Variants in TTLL6 observed in about 807,000 individuals in gnomAD.
TTLL6 encodes tubulin polyglutamylase TTLL6.
TTLL6 carries 75 observed loss-of-function variants against 96.4 expected under a neutral mutation model. That is an observed-to-expected ratio of 0.78 (90% CI 0.65 to 0.94). The LOEUF (loss-of-function observed/expected upper bound fraction) is 0.94, where lower values mean the gene tolerates loss of function less well. TTLL6 is among the 40% of genes least tolerant of loss of function. The probability of loss-of-function intolerance (pLI) is 0.00; values close to 1 mark genes in which losing one functional copy is unlikely to be tolerated. For missense variants in TTLL6, 1,030 were observed against 1,093.0 expected (o/e 0.94, Z 0.81); for synonymous variants, 411 against 419.4 (o/e 0.98, Z 0.24).
chr17:48,807,153 T>C lies in TTLL6; in HGVS notation c.104-2162A>G, dbSNP rs141797202. 3.4e-3 allele frequency among the ~76,000 whole-genome samples: 511 copies of C among 151,884 alleles called. 5 individuals carry two copies. Among genetic ancestry groups the C allele is most frequent in the African/African-American group, 0.011 (467 of 41,484 alleles). On this transcript the variant is annotated intron_variant, in intron 1 of 15. Coordinates refer to ENST00000393382, the MANE Select transcript of TTLL6 (RefSeq NM_001130918.3). ...TCCAGGATGGAGTGCAATGGCGCCATCTCGGCTCACTACAACCTCCACCTC... is the reference window on the plus strand; with the variant it reads ...TCCAGGATGGAGTGCAATGGCGCCACCTCGGCTCACTACAACCTCCACCTC...
At chr17:48,800,746 G>A (rs553559254) in intron 5 of TTLL6, among the ~76,000 whole-genome samples, 6 of 152,116 alleles carry the variant, frequency 3.9e-5, no homozygotes, top group Non-Finnish European at 8.8e-5. Context: ...CCTGTTCCTC[G>A]GTGGTGTGGT....
Position 48,803,901 on chromosome 17 carries a change from C to G in TTLL6, c.351G>C (p.Arg117=). Residue 117 remains arginine, a synonymous_variant, in exon 3 of 16, where the codon CGG becomes CGC. Coordinates refer to ENST00000393382, the MANE Select transcript of TTLL6 (RefSeq NM_001130918.3). Reference sequence around the variant, plus strand: ...AATGTAGATGCTCACCACTCTCATACCGGCAGCTGGATAGATTGATCACCA... The same window carrying G: ...AATGTAGATGCTCACCACTCTCATAGCGGCAGCTGGATAGATTGATCACCA... ...KRLVINLSSC[R]YESVRRAAQQ... 1.3e-6 allele frequency: 2 copies of G among 1,552,028 alleles called. No individual in the cohort carries two copies. The highest frequency in any genetic ancestry group is 1.7e-6 in the Non-Finnish European group (2 of 1,147,070).
chr17:48,779,353 CAAA>C (rs35763170), intron 13 of TTLL6, among the ~76,000 whole-genome samples: 3 of 46,260 alleles, frequency 6.5e-5, no homozygotes, highest in South Asian at 1.3e-3. Context: ...GACTCTGTCT[CAAA>C]AAAAAAAAAA....
chr17:48,806,860 A>C (rs1468136447), intron 1 of TTLL6, among the ~76,000 whole-genome samples: 1 of 151,596 alleles, frequency 6.6e-6, no homozygotes, highest in Admixed American at 6.6e-5. Flanking sequence ...GCAAAACCCC[A>C]TATCTACTAA....
At chr17:48,805,704 G>A (rs903425585) in intron 1 of TTLL6, among the ~76,000 whole-genome samples, 1 of 152,204 alleles carries the variant, frequency 6.6e-6, no homozygotes, top group African/African-American at 2.4e-5. Context: ...CAGGCGCAGC[G>A]GCTCACGCCT....
intron 1 of TTLL6, among the ~76,000 whole-genome samples, chr17:48,805,808 A>G (rs1387455562): frequency 6.7e-6 from 1 of 148,844 alleles, no homozygotes; most frequent in Non-Finnish European, 1.5e-5. Flanking sequence ...CCCCGTCTCT[A>G]TTAAAAATAC....
intron 15 of TTLL6, among the ~76,000 whole-genome samples, chr17:48,765,197 A>G (rs1005399789): frequency 6.6e-6 from 1 of 152,126 alleles, no homozygotes; most frequent in African/African-American, 2.4e-5. Flanking sequence ...GGATTGTTTG[A>G]GGGCAGGAGT....
rs962127292 is a variant in TTLL6 at position 48,804,763 on chromosome 17, A to G, written c.323+9T>C. On this transcript the variant is annotated intron_variant, in intron 2 of 15. Coordinates refer to ENST00000393382, the MANE Select transcript of TTLL6 (RefSeq NM_001130918.3). Reference sequence around the variant, plus strand: ...CATGGCTCCCCATTCCCCAGCTTTCAATCCTAACCTCTTTTTCTTCCTCTT... The same window carrying G: ...CATGGCTCCCCATTCCCCAGCTTTCGATCCTAACCTCTTTTTCTTCCTCTT... 3 of 1,551,472 alleles carry G rather than the reference A, an allele frequency of 1.9e-6. No individual in the cohort carries two copies. The highest frequency in any genetic ancestry group is 2.7e-5 in the African/African-American group (2 of 73,040).
At chr17:48,807,996 G>A (rs530065585) in intron 1 of TTLL6, among the ~76,000 whole-genome samples, 1 of 152,146 alleles carries the variant, frequency 6.6e-6, no homozygotes, top group Admixed American at 6.6e-5. Flanking sequence ...CCGCCACCAC[G>A]CCCGGCTAAT....
intron 10 of TTLL6, among the ~76,000 whole-genome samples, chr17:48,788,464 C>G (rs2039151810): frequency 1.3e-5 from 2 of 152,166 alleles, no homozygotes; most frequent in South Asian, 2.1e-4. Context: ...GGGGGTCAGA[C>G]AGGGAGAAAT....
chr17:48,811,415 G>A (rs1425477750), intron 1 of TTLL6, among the ~76,000 whole-genome samples: 1 of 151,860 alleles, frequency 6.6e-6, no homozygotes, highest in African/African-American at 2.4e-5. Flanking sequence ...CTCTTTTTTA[G>A]AGACATGGTC....
At chr17:48,769,373 G>C (rs948523380) in intron 14 of TTLL6, 119 bp from the exon 15 acceptor site, 17 of 1,277,014 alleles carry the variant, frequency 1.3e-5, no homozygotes, top group African/African-American at 8.9e-5. Context: ...AAAGCTCTTT[G>C]AGCCAGAATC....
At chr17:48,802,037 G>A (rs1218236124) in intron 3 of TTLL6, among the ~76,000 whole-genome samples, 1 of 136,738 alleles carries the variant, frequency 7.3e-6, no homozygotes, top group Non-Finnish European at 1.5e-5. Flanking sequence ...AGGAGACCCT[G>A]TCAAAAAAAA....
chr17:48,810,993 C>T (rs1170730566), intron 1 of TTLL6, among the ~76,000 whole-genome samples: 2 of 149,782 alleles, frequency 1.3e-5, no homozygotes, highest in Admixed American at 6.7e-5. Flanking sequence ...TCCCAGTCTG[C>T]CCCAATGCCC....
chr17:48,816,996 CCCGCTGGGCTGCT>C lies in TTLL6; in HGVS notation c.64_76del (p.Ser22GlyfsTer6), dbSNP rs1293344893. ...CGCAATTCCTACTCCCCCGTCTCGC[CCCGCTGGGCTGCT>C]AGTCCAGCTTGCAACCACACCTGCC... On this transcript the variant is annotated frameshift_variant, in exon 1 of 16. Coordinates refer to ENST00000393382, the MANE Select transcript of TTLL6 (RefSeq NM_001130918.3). LOFTEE classifies it high-confidence loss of function. 3.1e-5 allele frequency: 47 copies of C among 1,540,830 alleles called. No individual in the cohort carries two copies. The highest frequency in any genetic ancestry group is 4.1e-5 in the Non-Finnish European group (47 of 1,144,804).
Position 48,769,816 on chromosome 17 carries a change from G to A in TTLL6, c.2322C>T (p.Ser774=), listed in dbSNP as rs568268521. The change falls in exon 14 of 16, where the codon TCC becomes TCT. Residue 774 remains serine, a synonymous_variant. Coordinates refer to ENST00000393382, the MANE Select transcript of TTLL6 (RefSeq NM_001130918.3). ...TCAGTTGAAGCTTGGTGAGTAGCTC[G>A]GATATCAAATGTGGCTTGTTCATGT... The part of the protein sequence containing the change: ...KSDMNKPHLI[S]ELLTKLQLSG... 16 of 1,614,212 alleles carry A rather than the reference G, an allele frequency of 9.9e-6. No homozygotes were observed. The highest frequency in any genetic ancestry group is 8.8e-5 in the South Asian group (8 of 91,080).
At chr17:48,796,672 T>C (rs2039322037) in intron 7 of TTLL6, among the ~76,000 whole-genome samples, 1 of 151,358 alleles carries the variant, frequency 6.6e-6, no homozygotes, top group African/African-American at 2.4e-5. Flanking sequence ...GTGCCCAGCC[T>C]GAGAAAAACT....
At position 48,815,631 on chromosome 17, in the gene TTLL6, T is replaced by C. The variant is rs575038419; in HGVS notation, c.103+1339A>G. 6.8e-4 allele frequency among the ~76,000 whole-genome samples: 103 copies of C among 152,352 alleles called. No individual in the cohort carries two copies. In the South Asian group the frequency reaches 0.016, roughly 24 times the overall value. ...ACAGGATAAAATAAGATGTTTTTTG[T>C]GGTCTTTTGACTTTTCGTTTTAGTC... On this transcript the variant is annotated intron_variant, in intron 1 of 15. Transcript: ENST00000393382.
chr17:48,803,824 C>T (rs1181773823), intron 3 of TTLL6, 67 bp downstream of exon 3: 6 of 1,503,850 alleles, frequency 4.0e-6, no homozygotes, highest in Non-Finnish European at 5.4e-6. Flanking sequence ...ACAAGAGTGA[C>T]TCTTCCCAAC....
Sources: gnomAD v4.1 joint callset for allele counts (sites outside exome capture counted in the v4.1 genomes callset) on GRCh38, gnomAD v4.1.1 for gene constraint, MANE v1.5 for transcripts, NCBI Gene and HGNC (gene_info 2026-07-23, HGNC 2026-07-21) for gene names.